KYNU: variants seen among roughly 807,000 people sequenced by gnomAD.
The protein encoded by KYNU is kynureninase.
KYNU carries 54 observed loss-of-function variants against 59.2 expected under a neutral mutation model. The observed-to-expected ratio is 0.91, with a 90% confidence interval of 0.73 to 1.14. KYNU has a LOEUF of 1.14. KYNU is among the 50% of genes most tolerant of loss of function. The pLI is 0.00. For synonymous variants in KYNU, 177 were observed against 192.0 expected (o/e 0.92, Z 0.65); for missense variants, 567 against 554.4 (o/e 1.02, Z -0.23).
intron 7 of KYNU, 22 bp from the exon 8 acceptor site, chr2:142,960,602 A>G (rs371413556): frequency 1.9e-6 from 3 of 1,607,994 alleles, no homozygotes; most frequent in Non-Finnish European, 2.6e-6. Context: ...ATATGACCTA[A>G]CTTGTGCCTA....
rs547632689 is a variant in KYNU at position 142,878,959 on chromosome 2, A to T, written c.-20+1223A>T. The stretch of plus-strand genomic sequence containing the variant: ...GCAGTTAGGTGATTTGTCTGAGACC[A>T]TATGGTATGTATGTCCCCCGTCTTG... On this transcript the variant is annotated intron_variant, in intron 1 of 13. Transcript: ENST00000264170. Among the ~76,000 whole-genome samples, 3 of 152,250 alleles carry T rather than the reference A, an allele frequency of 2.0e-5. No individual in the cohort carries two copies. In the East Asian group the frequency reaches 5.8e-4, roughly 29 times the overall value.
chr2:142,961,989 A>C (rs1181519985), intron 8 of KYNU, among the ~76,000 whole-genome samples: 1 of 152,232 alleles, frequency 6.6e-6, no homozygotes, highest in Non-Finnish European at 1.5e-5. Flanking sequence ...GTCTCTAGGA[A>C]TTTCTAACAA....
At chr2:142,900,333 C>T (rs913555001) in intron 2 of KYNU, among the ~76,000 whole-genome samples, 7 of 152,082 alleles carry the variant, frequency 4.6e-5, no homozygotes, top group Non-Finnish European at 7.3e-5. Flanking sequence ...CAGGTCAAGC[C>T]GTAACAAACA....
At chr2:142,927,803 A>C (rs1683092525) in intron 4 of KYNU, 62 bp downstream of exon 4, 4 of 1,108,294 alleles carry the variant, frequency 3.6e-6, no homozygotes, top group Admixed American at 1.7e-5. Context: ...TTTAGTTATA[A>C]ACACAGGCTC....
At chr2:142,927,384 A>C (rs1408040742) in intron 3 of KYNU, among the ~76,000 whole-genome samples, 2 of 152,330 alleles carry the variant, frequency 1.3e-5, no homozygotes, top group South Asian at 2.1e-4. Context: ...AGACCAAAAA[A>C]ATTAGACTCT....
chr2:142,955,184 A>G (rs1684121984), intron 5 of KYNU, among the ~76,000 whole-genome samples: 1 of 152,062 alleles, frequency 6.6e-6, no homozygotes, highest in African/African-American at 2.4e-5. Context: ...CTAGCAAAGC[A>G]CTGACCTTTT....
At chr2:143,032,369 A>G (rs1215391226) in intron 11 of KYNU, among the ~76,000 whole-genome samples, 1 of 152,082 alleles carries the variant, frequency 6.6e-6, no homozygotes, top group Non-Finnish European at 1.5e-5. Flanking sequence ...TATCATGAGA[A>G]CGGCATGCAG....
Position 143,048,512 on chromosome 2 carries a change from C to T in KYNU, c.*6340C>T, listed in dbSNP as rs539479639. ...TCTCTCTCACTAATGTTTGCTATTT[C>T]TCCCTACAATTCAGAATTTTATTTA... On this transcript the variant is annotated 3_prime_UTR_variant, in exon 14 of 14. Transcript: ENST00000264170. 6.6e-6 allele frequency: 1 copy of T among 152,108 alleles called. No individual in the cohort carries two copies. Among genetic ancestry groups the T allele is most frequent in the African/African-American group, 2.4e-5 (1 of 41,448 alleles). 9.4% of individuals were successfully genotyped at this position (152,108 alleles called of 1,614,324 possible).
intron 4 of KYNU, among the ~76,000 whole-genome samples, chr2:142,928,610 G>A (rs917146184): frequency 5.3e-5 from 8 of 152,022 alleles, no homozygotes; most frequent in Non-Finnish European, 1.2e-4. Context: ...AAAAAACTAT[G>A]GCAACTGGCA....
chr2:143,006,761 C>G (rs1180553824), intron 10 of KYNU, among the ~76,000 whole-genome samples: 1 of 151,798 alleles, frequency 6.6e-6, no homozygotes, highest in Non-Finnish European at 1.5e-5. Flanking sequence ...GACCCCCGAG[C>G]AGCCTAACTG....
intron 10 of KYNU, among the ~76,000 whole-genome samples, chr2:143,016,453 G>C (rs1322729360): frequency 6.6e-6 from 1 of 152,146 alleles, no homozygotes; most frequent in Non-Finnish European, 1.5e-5. Flanking sequence ...ATCATTACCA[G>C]AAAAGTCTCA....
chr2:142,979,519 T>C (rs1684992159), intron 8 of KYNU, among the ~76,000 whole-genome samples: 1 of 152,060 alleles, frequency 6.6e-6, no homozygotes, highest in African/African-American at 2.4e-5. Context: ...TATCTGGTGA[T>C]CAAAATCTGA....
rs1317392728 is a variant in KYNU at position 142,960,634 on chromosome 2, C to A, written c.593C>A (p.Thr198Asn). 6 of 1,613,226 alleles carry A rather than the reference C, an allele frequency of 3.7e-6. No homozygotes were observed. Among genetic ancestry groups the A allele is most frequent in the Admixed American group, 1.7e-5 (1 of 59,960 alleles). ...RMIKPREGEETLRIEDILEVI... is the reference protein window; with the variant it reads ...RMIKPREGEENLRIEDILEVI... The stretch of plus-strand genomic sequence containing the variant: ...CCTAACTTGATTTAGGGGGAAGAAA[C>A]CTTAAGAATAGAGGATATCCTTGAA... Residue 198 changes from threonine to asparagine, a missense_variant, in exon 8 of 14, where the codon ACC becomes AAC. Transcript: ENST00000264170.
chr2:143,024,530 GT>G (rs369650130), intron 10 of KYNU, among the ~76,000 whole-genome samples: 1 of 150,920 alleles, frequency 6.6e-6, no homozygotes, highest in Non-Finnish European at 1.5e-5. Flanking sequence ...CATGTATCAT[GT>G]TTTTTTTTCT....
At chr2:143,008,353 G>A (rs1226149186) in intron 10 of KYNU, among the ~76,000 whole-genome samples, 2 of 107,808 alleles carry the variant, frequency 1.9e-5, no homozygotes, top group African/African-American at 8.5e-5. Flanking sequence ...AACAAGAAGA[G>A]CTAACTATCC....
intron 8 of KYNU, among the ~76,000 whole-genome samples, chr2:142,983,689 G>T (rs926148276): frequency 2.0e-5 from 3 of 151,858 alleles, no homozygotes; most frequent in African/African-American, 7.3e-5. Flanking sequence ...ATTTGACATT[G>T]GCTCTATATC....
At chr2:142,999,629 T>C (rs1685653005) in intron 10 of KYNU, among the ~76,000 whole-genome samples, 1 of 152,170 alleles carries the variant, frequency 6.6e-6, no homozygotes, top group Non-Finnish European at 1.5e-5. Flanking sequence ...TTTATTTTCT[T>C]ATTTAAATTA....
At chr2:142,912,896 T>G (rs1052539218) in intron 2 of KYNU, among the ~76,000 whole-genome samples, 1 of 151,186 alleles carries the variant, frequency 6.6e-6, no homozygotes, top group African/African-American at 2.4e-5. Flanking sequence ...GTATTTTTAG[T>G]AGAGACAGGG....
chr2:142,946,217 G>A (rs1683774934), intron 4 of KYNU, among the ~76,000 whole-genome samples: 2 of 151,780 alleles, frequency 1.3e-5, no homozygotes, highest in Non-Finnish European at 2.9e-5. Flanking sequence ...CCGAGTACCT[G>A]GGACCACAGG....
Sources: gnomAD v4.1 joint callset for allele counts (sites outside exome capture counted in the v4.1 genomes callset) on GRCh38, gnomAD v4.1.1 for gene constraint, MANE v1.5 for transcripts, NCBI Gene and HGNC (gene_info 2026-07-23, HGNC 2026-07-21) for gene names.